The following C1QTNF12 variants were observed in gnomAD, a reference collection of about 807,000 sequenced individuals.
C1QTNF12 encodes C1q and TNF related 12.
A neutral mutation model predicts 34.3 loss-of-function variants in C1QTNF12; 39 were observed. That is an observed-to-expected ratio of 1.14 (90% confidence interval 0.88 to 1.49). C1QTNF12 has a LOEUF of 1.49. Ranked by LOEUF, C1QTNF12 falls within the 40% of genes most tolerant of loss-of-function variation. C1QTNF12 has a pLI of 0.00. For synonymous variants in C1QTNF12, 220 were observed against 196.9 expected (o/e 1.12, Z -0.98); for missense variants, 497 against 424.7 (o/e 1.17, Z -1.50).
In C1QTNF12 at chr1:1,244,095, C is replaced by G; in HGVS notation, c.390G>C (p.Glu130Asp). The change falls in exon 4 of 8, where the codon GAG (glutamate) becomes GAC (aspartate). Residue 130 changes from glutamate (E) to aspartate (D), a missense_variant. Transcript: ENST00000330388. ...EFQELLKEAT[E>D]RRFSGLLDPL... ...GGTCCAGAAGCCCTGAGAACCGGCG[C>G]TCCGTGGCCTCTGTGGGGAGGAGGG... 6.3e-7 allele frequency: 1 copy of G among 1,581,852 alleles called. No individual in the cohort carries two copies. The highest frequency in any genetic ancestry group is 8.6e-7 in the Non-Finnish European group (1 of 1,164,258).
rs547570155 is a variant in C1QTNF12 at position 1,246,444 on chromosome 1, G to C, written c.177+70C>G. The C allele has an allele frequency of 5.9e-6, 7 of 1,188,486 alleles. No individual in the cohort carries two copies. In the South Asian group the frequency reaches 2.6e-4, roughly 43 times the overall value. 73.6% of individuals were successfully genotyped at this position (1,188,486 alleles called of 1,614,324 possible). A position where few individuals can be genotyped will look rare whatever the true frequency, so the allele number is the denominator to read the frequency against. On this transcript the variant is annotated intron_variant, in intron 1 of 7. Transcript: ENST00000330388. The surrounding 1 kb of genome is among the most constrained non-coding windows in gnomAD (Gnocchi z 4.5). ...GAGCCGGCAGGGACAGAGCCTGCTGGGGGAGGACGCCCCAGAGCCCCAGCT... is the reference window on the plus strand; with the variant it reads ...GAGCCGGCAGGGACAGAGCCTGCTGCGGGAGGACGCCCCAGAGCCCCAGCT...
chr1:1,243,688 A>C (rs1638803246), intron 4 of C1QTNF12, 136 bp from the exon 5 acceptor site: 1 of 820,836 alleles, frequency 1.2e-6, no homozygotes, highest in African/African-American at 1.7e-5. Flanking sequence ...CACTGTGGGC[A>C]CCAGCAGGAC....
At chr1:1,243,388 C>T (rs2101004075) in intron 5 of C1QTNF12, 56 bp downstream of exon 5, 2 of 1,489,172 alleles carry the variant, frequency 1.3e-6, no homozygotes, top group Non-Finnish European at 9.1e-7. Flanking sequence ...CAGGCGCCCC[C>T]AGAAAGCTCA....
rs901129562 is a variant in C1QTNF12, at chr1:1,246,261, G to A, written c.177+253C>T. Among the ~76,000 whole-genome samples, 1 of 148,728 alleles carries A rather than the reference G, an allele frequency of 6.7e-6. No homozygotes were observed. Among genetic ancestry groups the A allele is most frequent in the Non-Finnish European group, 1.5e-5 (1 of 67,504 alleles). On this transcript the variant is annotated intron_variant, in intron 1 of 7. Transcript: ENST00000330388. The surrounding 1 kb of genome is among the most constrained non-coding windows in gnomAD (Gnocchi z 4.5). ...AAAGGGTTAACTGCGGCCCCCAACC[G>A]CGGGAAGCCCCCTTCACCCACCCAC... is the stretch of plus-strand genomic sequence containing the variant.
Position 1,242,675 on chromosome 1 carries a change from G to A in C1QTNF12, c.811-29C>T, listed in dbSNP as rs776095503. 27 of 1,568,834 alleles carry A rather than the reference G, an allele frequency of 1.7e-5. 1 individual carries two copies. The highest frequency in any genetic ancestry group is 5.5e-5 in the Admixed American group (3 of 54,548). On this transcript the variant is annotated intron_variant, in intron 7 of 7. Transcript: ENST00000330388. ...TAAGAAGCACGGGGACGTCACAACC[G>A]CAGCCACAGCCCAGCCACTCGGTGG...
At chr1:1,243,293 A>G (rs1044111245) in intron 5 of C1QTNF12, 141 bp from the exon 6 acceptor site, 10 of 989,454 alleles carry the variant, frequency 1.0e-5, no homozygotes, top group Non-Finnish European at 1.3e-5. Context: ...CCAGGCGTGC[A>G]GCAGGGACCC....
Position 1,243,406 on chromosome 1 carries a change from C to G in C1QTNF12, c.640+38G>C, listed in dbSNP as rs757822660. On this transcript the variant is annotated intron_variant, in intron 5 of 7. Coordinates refer to ENST00000330388, the MANE Select transcript of C1QTNF12 (RefSeq NM_001014980.3). ...GCGCCCCCAGAAAGCTCAGCCCCAG[C>G]CCCGTCACAGCACACGGCACTGCCC... The G allele has an allele frequency of 2.6e-6, 4 of 1,525,172 alleles. No individual in the cohort carries two copies. The South Asian group carries it at 3.6e-5, about 14-fold the overall frequency. The allele number at this position is 1,525,172 out of a possible 1,614,324, so 94.5% of individuals were successfully genotyped here.
At position 1,243,502 on chromosome 1, in the gene C1QTNF12, C is replaced by T. The variant is rs780616337; in HGVS notation, c.582G>A (p.Ser194=). The part of the protein sequence containing the change: ...FLRGSGLSLA[S]GRFTAPVSGI... ...CGGACACGGGGGCCGTGAACCGACCCGAGGCCAGGCTCAGACCGGAGCCTC... is the reference window on the plus strand; with the variant it reads ...CGGACACGGGGGCCGTGAACCGACCTGAGGCCAGGCTCAGACCGGAGCCTC... The change falls in exon 5 of 8, where the codon TCG becomes TCA. Residue 194 remains serine, a synonymous_variant. Coordinates refer to ENST00000330388, the MANE Select transcript of C1QTNF12 (RefSeq NM_001014980.3). 1.4e-5 allele frequency: 22 copies of T among 1,559,678 alleles called. No individual in the cohort carries two copies. Among genetic ancestry groups the T allele is most frequent in the Middle Eastern group, 1.7e-4 (1 of 6,020 alleles).
At chr1:1,243,902 T>G (rs1386458128) in intron 4 of C1QTNF12, 52 bp downstream of exon 4, 14 of 1,567,200 alleles carry the variant, frequency 8.9e-6, no homozygotes, top group African/African-American at 1.4e-5. Context: ...GGTCCCGTCT[T>G]GCCTGTGGGG....
In C1QTNF12 at chr1:1,246,305, C is replaced by G. The variant is rs1461543913; in HGVS notation, c.177+209G>C. 1.3e-5 allele frequency among the ~76,000 whole-genome samples: 2 copies of G among 152,114 alleles called. No homozygotes were observed. Among genetic ancestry groups the G allele is most frequent in the African/African-American group, 4.8e-5 (2 of 41,440 alleles). On this transcript the variant is annotated intron_variant, in intron 1 of 7. Coordinates refer to ENST00000330388, the MANE Select transcript of C1QTNF12 (RefSeq NM_001014980.3). The surrounding 1 kb of genome is among the most constrained non-coding windows in gnomAD (Gnocchi z 4.5). ...CACCCACCCCAGGCCAGCTGGGGGC[C>G]AGGTCTCCGCTGCAGAGGAGGAGAG...
intron 4 of C1QTNF12, 100 bp from the exon 5 acceptor site, chr1:1,243,652 A>G: frequency 9.8e-7 from 1 of 1,024,074 alleles, no homozygotes; most frequent in Non-Finnish European, 1.4e-6. Flanking sequence ...CCTCACTCGG[A>G]GCAGCTCTCC....
chr1:1,243,174 G>A, intron 5 of C1QTNF12, 22 bp from the exon 6 acceptor site: 3 of 1,446,722 alleles, frequency 2.1e-6, no homozygotes, highest in Middle Eastern at 2.1e-4. Flanking sequence ...GCCCTGGGGA[G>A]GGTGGTGCAT....
rs544893581 is a variant in C1QTNF12 at position 1,244,047 on chromosome 1, G to A, written c.438C>T (p.Gly146=). Residue 146 remains glycine (G), a synonymous_variant, in exon 4 of 8, where the codon GGC becomes GGT. Transcript: ENST00000330388. ...GAAAGGCCTCGCCCACCAGCCGCAG[G>A]CCCGCCCCCTGGGGCAGCAGCGGGT... ...LLDPLLPQGA[G]LRLVGEAFHC... The A allele has an allele frequency of 7.8e-5, 125 of 1,598,476 alleles. 1 individual carries two copies. The Admixed American group carries it at 8.7e-4, about 11-fold the overall frequency.
chr1:1,243,019 G>C, intron 6 of C1QTNF12, 43 bp downstream of exon 6: 1 of 1,555,404 alleles, frequency 6.4e-7, no homozygotes, highest in Non-Finnish European at 8.7e-7. Flanking sequence ...CTCCAAGGGT[G>C]GTCCGGGGGC....
At chr1:1,246,802 G>A (rs1211568116), upstream of C1QTNF12, 2 of 764,312 alleles carry the variant, frequency 2.6e-6, no homozygotes, top group Non-Finnish European at 1.7e-6. This position sits in a 1 kb window ranked among gnomAD's most constrained non-coding sequence, Gnocchi z 4.5. Flanking sequence ...GGCGCGCCCG[G>A]CCTCCGCCGC....
upstream of C1QTNF12, chr1:1,246,807 C>T (rs1638905663): frequency 4.1e-6 from 3 of 731,582 alleles, no homozygotes; most frequent in Middle Eastern, 5.0e-4. The surrounding 1 kb of genome is among the most constrained non-coding windows in gnomAD (Gnocchi z 4.5). Flanking sequence ...GCCCGGCCTC[C>T]GCCGCTGCAT....
chr1:1,246,539 C>G lies in C1QTNF12; in HGVS notation c.152G>C (p.Arg51Pro). Residue 51 changes from arginine to proline, a missense_variant, in exon 1 of 8, where the codon CGC becomes CCC. Coordinates refer to ENST00000330388, the MANE Select transcript of C1QTNF12 (RefSeq NM_001014980.3). The surrounding 1 kb of genome is among the most constrained non-coding windows in gnomAD (Gnocchi z 4.5). ...CTTGGGGGCCTCGGGCAGCCCCTCGCGGGAGGACGCGCTGGCGGTGGCGTT... is the reference window on the plus strand; with the variant it reads ...CTTGGGGGCCTCGGGCAGCCCCTCGGGGGAGGACGCGCTGGCGGTGGCGTT... The part of the protein sequence containing the change: ...PPNATASASS[R>P]EGLPEAPKPS... The G allele has an allele frequency of 8.1e-7, 1 of 1,237,228 alleles. No homozygotes were observed. The highest frequency in any genetic ancestry group is 1.0e-6 in the Non-Finnish European group (1 of 990,428). 76.6% of individuals were successfully genotyped at this position (1,237,228 alleles called of 1,614,324 possible).
At chr1:1,243,592 GC>G (rs1638801358) in intron 4 of C1QTNF12, 40 bp from the exon 5 acceptor site, 3 of 1,499,584 alleles carry the variant, frequency 2.0e-6, no homozygotes, top group Non-Finnish European at 2.7e-6. Flanking sequence ...GCAGGGCCTG[GC>G]CCCCACCCCA....
In C1QTNF12 at chr1:1,246,389, C is replaced by T. The variant is rs999308167; in HGVS notation, c.177+125G>A. The T allele has an allele frequency of 1.8e-5, 14 of 790,668 alleles. No individual in the cohort carries two copies. Among genetic ancestry groups the T allele is most frequent in the African/African-American group, 1.1e-4 (6 of 55,752 alleles). 49.0% of individuals were successfully genotyped at this position (790,668 alleles called of 1,614,324 possible). ...CAGATTCTCAAGGCGGGACCGTGGC[C>T]GAGGCCTCGAAAAGGGCGACCCGGA... is the stretch of plus-strand genomic sequence containing the variant. On this transcript the variant is annotated intron_variant, in intron 1 of 7. Coordinates refer to ENST00000330388, the MANE Select transcript of C1QTNF12 (RefSeq NM_001014980.3). This position sits in a 1 kb window ranked among gnomAD's most constrained non-coding sequence, Gnocchi z 4.5.
Sources: gnomAD v4.1 joint callset for allele counts (sites outside exome capture counted in the v4.1 genomes callset) on GRCh38, gnomAD v4.1.1 for gene constraint, Gnocchi (gnomAD v3.1) non-coding constraint, MANE v1.5 for transcripts, NCBI Gene and HGNC (gene_info 2026-07-23, HGNC 2026-07-21) for gene names.